The following KDM4D variants were observed in gnomAD, a reference collection of about 807,000 sequenced individuals.
KDM4D encodes the protein lysine demethylase 4D.
For synonymous variants in KDM4D, 254 were observed against 249.1 expected, an observed-to-expected ratio of 1.02 and a Z score of -0.19; for missense variants, 427 against 674.8, an observed-to-expected ratio of 0.63 and a Z score of 4.07.
At chr11:94,994,207 C>T (rs1857958602) in intron 2 of KDM4D, among the ~76,000 whole-genome samples, 1 of 152,244 alleles carries the variant, frequency 6.6e-6, no homozygotes, top group East Asian at 1.9e-4. Context: ...ATGTAATAGT[C>T]AGTGGTGACT....
intron 2 of KDM4D, among the ~76,000 whole-genome samples, chr11:94,992,877 T>G (rs1857946899): frequency 6.6e-6 from 1 of 152,200 alleles, no homozygotes; most frequent in Admixed American, 6.5e-5. Flanking sequence ...GCTTATAAAT[T>G]ATTTTAAATA....
intron 2 of KDM4D, among the ~76,000 whole-genome samples, chr11:94,988,604 C>CT (rs1187382329): frequency 1.3e-5 from 2 of 152,168 alleles, no homozygotes; most frequent in Non-Finnish European, 2.9e-5. Flanking sequence ...AGCTTAGACT[C>CT]TAATTGGAAA....
At position 94,997,753 on chromosome 11, in the gene KDM4D, G is replaced by T. The variant is rs1565420393; in HGVS notation, c.381G>T (p.Lys127Asn). Residue 127 changes from lysine (K) to asparagine (N), a missense_variant, in exon 3 of 3, where the codon AAG becomes AAT. Coordinates refer to ENST00000335080, the MANE Select transcript of KDM4D (RefSeq NM_018039.3). ...AAGATTTGGAGCGAAAATACTGGAA[G>T]AACCGCATCTATAATTCACCGATTT... ...NFEDLERKYW[K>N]NRIYNSPIYG... The T allele has an allele frequency of 6.2e-7, 1 of 1,614,274 alleles. No homozygotes were observed. Among genetic ancestry groups the T allele is most frequent in the Non-Finnish European group, 8.5e-7 (1 of 1,180,056 alleles).
chr11:94,982,993 G>T (rs1224173808), intron 2 of KDM4D, among the ~76,000 whole-genome samples: 2 of 151,912 alleles, frequency 1.3e-5, no homozygotes, highest in African/African-American at 4.8e-5. Context: ...GAACCTGACA[G>T]ATTTATTCTA....
intron 2 of KDM4D, among the ~76,000 whole-genome samples, chr11:94,994,366 A>C (rs1857959704): frequency 6.6e-6 from 1 of 152,226 alleles, no homozygotes; most frequent in African/African-American, 2.4e-5. Context: ...GCAGAAGCTT[A>C]GGAGAGAGTC....
At position 94,998,417 on chromosome 11, in the gene KDM4D, G is replaced by C; in HGVS notation, c.1045G>C (p.Glu349Gln). The change falls in exon 3 of 3, where the codon GAG (glutamate) becomes CAG (glutamine). Residue 349 changes from glutamate to glutamine, a missense_variant. Glu to Gln is a conservative substitution (Grantham distance 29). Transcript: ENST00000335080. This position sits in a 1 kb window ranked among gnomAD's most constrained non-coding sequence, Gnocchi z 6.7. ...GQDRAVVDHM[E>Q]PRVPASQELS... is the part of the protein sequence containing the mutation. ...AGACCGGGCAGTTGTGGACCACATGGAGCCCAGGGTACCAGCCAGCCAAGA... is the reference window on the plus strand; with the variant it reads ...AGACCGGGCAGTTGTGGACCACATGCAGCCCAGGGTACCAGCCAGCCAAGA... 6.2e-7 allele frequency: 1 copy of C among 1,613,952 alleles called. No individual in the cohort carries two copies. The highest frequency in any genetic ancestry group is 8.5e-7 in the Non-Finnish European group (1 of 1,180,038).
In KDM4D at chr11:94,999,112, T is replaced by G. The variant is rs1555099715; in HGVS notation, c.*168T>G. The G allele has an allele frequency of 3.6e-6, 2 of 557,540 alleles. No individual in the cohort carries two copies. Among genetic ancestry groups the G allele is most frequent in the African/African-American group, 3.8e-5 (2 of 52,092 alleles). The allele number at this position is 557,540 out of a possible 1,614,324, so 34.5% of individuals were successfully genotyped here. A position where few individuals can be genotyped will look rare whatever the true frequency, so the allele number is the denominator to read the frequency against. ...CTGCCAAGTCCATGGTAGTTTTCAA[T>G]TTTGCCATACTTTTGTTCTTCCTAC... On this transcript the variant is annotated 3_prime_UTR_variant, in exon 3 of 3. Coordinates refer to ENST00000335080, the MANE Select transcript of KDM4D (RefSeq NM_018039.3).
chr11:94,989,715 T>C (rs1441640109), intron 2 of KDM4D, among the ~76,000 whole-genome samples: 1 of 151,574 alleles, frequency 6.6e-6, no homozygotes, highest in African/African-American at 2.4e-5. Context: ...ACAGGAAAAG[T>C]TGCCCTTTAA....
At position 94,998,886 on chromosome 11, in the gene KDM4D, G is replaced by A. The variant is rs371637822; in HGVS notation, c.1514G>A (p.Ser505Asn). 1 of 1,520,952 alleles carries A rather than the reference G, an allele frequency of 6.6e-7. No homozygotes were observed. The allele number at this position is 1,520,952 out of a possible 1,614,324, so 94.2% of individuals were successfully genotyped here. A position where few individuals can be genotyped will look rare whatever the true frequency, so the allele number is the denominator to read the frequency against. ...GALMDKPVPL[S>N]PGLQHPVKAS... The stretch of plus-strand genomic sequence containing the variant: ...TTGATGGACAAGCCTGTACCACTGA[G>A]CCCAGGGCTCCAGCATCCTGTCAAG... The change falls in exon 3 of 3, where the codon AGC becomes AAC. Residue 505 changes from serine to asparagine, a missense_variant. By Grantham distance (46) the Ser-to-Asn change is conservative. Transcript: ENST00000335080. This position sits in a 1 kb window ranked among gnomAD's most constrained non-coding sequence, Gnocchi z 6.7.
intron 2 of KDM4D, among the ~76,000 whole-genome samples, chr11:94,989,680 A>G (rs1414842032): frequency 6.7e-6 from 1 of 150,018 alleles, no homozygotes; most frequent in Non-Finnish European, 1.5e-5. Context: ...CACACCAAAT[A>G]TTGGCATTTG....
At chr11:94,987,970 A>G (rs1167551982) in intron 2 of KDM4D, among the ~76,000 whole-genome samples, 1 of 152,170 alleles carries the variant, frequency 6.6e-6, no homozygotes, top group East Asian at 1.9e-4. Context: ...GTCTACTGGT[A>G]TTTCCAGAGA....
chr11:94,992,713 G>A (rs1431483873), intron 2 of KDM4D, among the ~76,000 whole-genome samples: 2 of 152,048 alleles, frequency 1.3e-5, no homozygotes, highest in South Asian at 4.1e-4. Context: ...GGGATGTACT[G>A]TTTTAGATAC....
intron 1 of KDM4D, among the ~76,000 whole-genome samples, chr11:94,975,171 G>A (rs6483384): frequency 0.96 from 145,878 of 152,132 alleles, 70,214 homozygotes; most frequent in East Asian, 1. Flanking sequence ...GTGCCCCAAA[G>A]TAACTGTATC....
At chr11:94,980,369 T>C (rs1168457756) in intron 2 of KDM4D, among the ~76,000 whole-genome samples, 2 of 152,092 alleles carry the variant, frequency 1.3e-5, no homozygotes, top group Non-Finnish European at 2.9e-5. Context: ...TTTATAAGAG[T>C]GGCTTTGCTA....
intron 2 of KDM4D, among the ~76,000 whole-genome samples, chr11:94,990,610 A>T (rs1857926632): frequency 6.6e-6 from 1 of 152,246 alleles, no homozygotes; most frequent in African/African-American, 2.4e-5. Flanking sequence ...TTAAGAAATG[A>T]ACTTACAAAG....
At chr11:94,994,744 G>T (rs989144078) in intron 2 of KDM4D, among the ~76,000 whole-genome samples, 1 of 150,316 alleles carries the variant, frequency 6.7e-6, no homozygotes, top group African/African-American at 2.4e-5. Flanking sequence ...GATTTATGGA[G>T]AACAATGTCA....
intron 2 of KDM4D, among the ~76,000 whole-genome samples, chr11:94,989,618 G>A (rs1477886651): frequency 6.6e-6 from 1 of 152,114 alleles, no homozygotes; most frequent in Non-Finnish European, 1.5e-5. Context: ...TTGCTGCCGT[G>A]TGTCTTTCTC....
At chr11:94,981,955 T>A (rs1239537578) in intron 2 of KDM4D, among the ~76,000 whole-genome samples, 2 of 151,354 alleles carry the variant, frequency 1.3e-5, no homozygotes, top group African/African-American at 4.8e-5. Context: ...CTTAAATATT[T>A]ATTTAAATTT....
chr11:94,986,055 C>A (rs1413818394), intron 2 of KDM4D, among the ~76,000 whole-genome samples: 1 of 152,174 alleles, frequency 6.6e-6, no homozygotes, highest in Non-Finnish European at 1.5e-5. Flanking sequence ...AGACGGGCTT[C>A]ATCAAAATTC....
Sources: gnomAD v4.1 joint callset for allele counts (sites outside exome capture counted in the v4.1 genomes callset) on GRCh38, gnomAD v4.1.1 for gene constraint, Gnocchi (gnomAD v3.1) non-coding constraint, MANE v1.5 for transcripts, NCBI Gene and HGNC (gene_info 2026-07-23, HGNC 2026-07-21) for gene names.